Variants in DPH2 observed in about 807,000 individuals in gnomAD.
The protein encoded by DPH2 is diphthamide biosynthesis 2.
A neutral mutation model predicts 42.5 loss-of-function variants in DPH2; 28 were observed. The observed-to-expected ratio is 0.66, with a 90% CI of 0.49 to 0.90. DPH2 has a LOEUF of 0.90. Ranked by LOEUF, DPH2 falls within the 40% of genes least tolerant of loss-of-function variation. DPH2 has a pLI of 0.00. For missense variants in DPH2, 576 were observed against 636.0 expected (o/e 0.91, Z 1.01); for synonymous variants, 279 against 264.4 (o/e 1.06, Z -0.53).
chr1:43,970,701 T>C lies in DPH2; in HGVS notation c.253T>C (p.Tyr85His). The C allele has an allele frequency of 6.2e-7, 1 of 1,614,130 alleles. No homozygotes were observed. The highest frequency in any genetic ancestry group is 1.1e-5 in the South Asian group (1 of 91,082). ...SKMFILGDTA[Y>H]GSCCVDVLGA... Reference sequence around the variant, plus strand: ...GATGTTCATTCTGGGTGACACAGCCTACGGCAGGTGTGAACTTGGCCTTAG... The same window carrying C: ...GATGTTCATTCTGGGTGACACAGCCCACGGCAGGTGTGAACTTGGCCTTAG... The change falls in exon 2 of 6, where the codon TAC (tyrosine) becomes CAC (histidine). Residue 85 changes from tyrosine (Y) to histidine (H), a missense_variant. By Grantham distance (83) the Tyr-to-His change is moderately conservative. Around this residue, in one of 3 missense-constraint regions of DPH2, gnomAD observed 395 missense variants for 435.2 expected, o/e 0.91. Transcript: ENST00000255108.
Position 43,970,666 on chromosome 1 carries a change from C to T in DPH2, c.218C>T (p.Thr73Ile), listed in dbSNP as rs2085400263. ...GTGGCTGCACGACTGGAGGAGACGACAGGGTCAAAGATGTTCATTCTGGGT... is the reference window on the plus strand; with the variant it reads ...GTGGCTGCACGACTGGAGGAGACGATAGGGTCAAAGATGTTCATTCTGGGT... ...VAVAARLEET[T>I]GSKMFILGDT... Residue 73 changes from threonine to isoleucine, a missense_variant, in exon 2 of 6, where the codon ACA becomes ATA. This residue lies in a region of DPH2 where 395 missense variants were observed against 435.2 expected (regional missense o/e 0.91). Coordinates refer to ENST00000255108, the MANE Select transcript of DPH2 (RefSeq NM_001384.5). 1.2e-6 allele frequency: 2 copies of T among 1,614,036 alleles called. No individual in the cohort carries two copies. Among genetic ancestry groups the T allele is most frequent in the African/African-American group, 1.3e-5 (1 of 74,890 alleles).
In DPH2 at chr1:43,971,679, T is replaced by C. The variant is rs771473867; in HGVS notation, c.777T>C (p.Asp259=). The C allele has an allele frequency of 3.5e-5, 56 of 1,613,964 alleles. No homozygotes were observed. The highest frequency in any genetic ancestry group is 4.7e-5 in the Non-Finnish European group (56 of 1,180,010). The change falls in exon 4 of 6, where the codon GAT becomes GAC. Residue 259 remains aspartate, a synonymous_variant. Transcript: ENST00000255108. ...GTCCAGATACAGGGAAGACTCAGGA[T>C]GAGGGTGCCCGGGCTGGACGGCTAA... is the stretch of plus-strand genomic sequence containing the variant. ...SCCPDTGKTQ[D]EGARAGRLRA...
chr1:43,970,692 G>A lies in DPH2; in HGVS notation c.244G>A (p.Asp82Asn), dbSNP rs1242183533. Residue 82 changes from aspartate (D) to asparagine (N), a missense_variant, in exon 2 of 6, where the codon GAC becomes AAC. Around this residue, in one of 3 missense-constraint regions of DPH2, gnomAD observed 395 missense variants for 435.2 expected, o/e 0.91. Coordinates refer to ENST00000255108, the MANE Select transcript of DPH2 (RefSeq NM_001384.5). The part of the protein sequence containing the change: ...TTGSKMFILG[D>N]TAYGSCCVDV... ...AGGGTCAAAGATGTTCATTCTGGGT[G>A]ACACAGCCTACGGCAGGTGTGAACT... 1 of 1,614,172 alleles carries A rather than the reference G, an allele frequency of 6.2e-7. No individual in the cohort carries two copies. Among genetic ancestry groups the A allele is most frequent in the Admixed American group, 1.7e-5 (1 of 60,028 alleles).
In DPH2 at chr1:43,972,700, T is replaced by A. The variant is rs1571789452; in HGVS notation, c.*161T>A. On this transcript the variant is annotated 3_prime_UTR_variant, in exon 6 of 6. Coordinates refer to ENST00000255108, the MANE Select transcript of DPH2 (RefSeq NM_001384.5). ...CAGGATAGGATCCGTCTCTGTCCTG[T>A]CCTGGCACTGGCACAAGCTCAGCAC... 6 of 1,020,856 alleles carry A rather than the reference T, an allele frequency of 5.9e-6. No homozygotes were observed. The Admixed American group carries it at 1.6e-4, about 27-fold the overall frequency. 63.2% of individuals were successfully genotyped at this position (1,020,856 alleles called of 1,614,324 possible). A position where few individuals can be genotyped will look rare whatever the true frequency, so the allele number is the denominator to read the frequency against.
rs767444707 is a variant in DPH2, at chr1:43,971,929, C to T, written c.1027C>T (p.Leu343=). Residue 343 remains leucine, a synonymous_variant, in exon 4 of 6, where the codon CTG becomes TTG. Transcript: ENST00000255108. ...TGTCTTTGTGCTATTAGCCTGTCCT[C>T]TGGGTGCTCTAGCCCCCCAGCTTTC... The part of the protein sequence containing the change: ...VDVFVLLACP[L]GALAPQLSGS... 12 of 1,614,208 alleles carry T rather than the reference C, an allele frequency of 7.4e-6. No homozygotes were observed. Among genetic ancestry groups the T allele is most frequent in the Non-Finnish European group, 9.3e-6 (11 of 1,180,030 alleles).
chr1:43,971,720 A>C lies in DPH2; in HGVS notation c.818A>C (p.Tyr273Ser). 5 of 1,612,418 alleles carry C rather than the reference A, an allele frequency of 3.1e-6. No homozygotes were observed. The highest frequency in any genetic ancestry group is 4.2e-6 in the Non-Finnish European group (5 of 1,179,944). ...GGACGGCTAAGGGCACGAAGACGATATCTGGTAGAGAGGGCCAGAGATGCC... is the reference window on the plus strand; with the variant it reads ...GGACGGCTAAGGGCACGAAGACGATCTCTGGTAGAGAGGGCCAGAGATGCC... ...RAGRLRARRR[Y>S]LVERARDARV... The change falls in exon 4 of 6, where the codon TAT becomes TCT. Residue 273 changes from tyrosine to serine, a missense_variant. Coordinates refer to ENST00000255108, the MANE Select transcript of DPH2 (RefSeq NM_001384.5).
intron 2 of DPH2, 74 bp downstream of exon 2, chr1:43,970,782 T>C: frequency 7.0e-7 from 1 of 1,428,570 alleles, no homozygotes; most frequent in South Asian, 1.2e-5. Context: ...TGACAGTGAT[T>C]GCCTTCAATG....
rs942045588 is a variant in DPH2, at chr1:43,972,733, G to T, written c.*194G>T. The T allele has an allele frequency of 3.8e-5, 27 of 703,784 alleles. No individual in the cohort carries two copies. The highest frequency in any genetic ancestry group is 9.1e-5 in the Admixed American group (3 of 32,934). 43.6% of individuals were successfully genotyped at this position (703,784 alleles called of 1,614,324 possible). ...CTGGCACAAGCTCAGCACATGCCCA[G>T]TAATGCGTGTTGTTTGGCTGATGGA... On this transcript the variant is annotated 3_prime_UTR_variant, in exon 6 of 6. Coordinates refer to ENST00000255108, the MANE Select transcript of DPH2 (RefSeq NM_001384.5).
Position 43,970,071 on chromosome 1 carries a change from C to T in DPH2, c.-105C>T. The T allele has an allele frequency of 7.4e-7, 1 of 1,359,568 alleles. No homozygotes were observed. Among genetic ancestry groups the T allele is most frequent in the Non-Finnish European group, 1.0e-6 (1 of 1,000,094 alleles). The allele number at this position is 1,359,568 out of a possible 1,614,324, so 84.2% of individuals were successfully genotyped here. A position where few individuals can be genotyped will look rare whatever the true frequency, so the allele number is the denominator to read the frequency against. On this transcript the variant is annotated 5_prime_UTR_variant, in exon 1 of 6. Transcript: ENST00000255108. ...GAAGGCCGACTGTGATTCCCCCTAC[C>T]CCCACAAGGCGATTTTGACCCCCTG...
Position 43,971,113 on chromosome 1 carries a change from G to A in DPH2, c.408G>A (p.Lys136=), listed in dbSNP as rs761967291. 6.4e-7 allele frequency: 1 copy of A among 1,558,388 alleles called. No individual in the cohort carries two copies. The highest frequency in any genetic ancestry group is 8.7e-7 in the Non-Finnish European group (1 of 1,150,108). Residue 136 remains lysine (K), a synonymous_variant, in exon 3 of 6, where the codon AAG becomes AAA. Coordinates refer to ENST00000255108, the MANE Select transcript of DPH2 (RefSeq NM_001384.5). Reference sequence around the variant, plus strand: ...CTGTGGCCTTGGAGCTCTGTGTCAAGGCCTTTGAGGCCCAGAACCCAGACC... The same window carrying A: ...CTGTGGCCTTGGAGCTCTGTGTCAAAGCCTTTGAGGCCCAGAACCCAGACC... ...QRSVALELCV[K]AFEAQNPDPK...
rs1326094617 is a variant in DPH2 at position 43,970,711 on chromosome 1, G to A, written c.260+3G>A. On this transcript the variant is annotated splice_donor_region_variant and intron_variant, in intron 2 of 5. Coordinates refer to ENST00000255108, the MANE Select transcript of DPH2 (RefSeq NM_001384.5). Reference sequence around the variant, plus strand: ...CTGGGTGACACAGCCTACGGCAGGTGTGAACTTGGCCTTAGGTGGGCCAGG... The same window carrying A: ...CTGGGTGACACAGCCTACGGCAGGTATGAACTTGGCCTTAGGTGGGCCAGG... The A allele has an allele frequency of 5.6e-6, 9 of 1,613,940 alleles. No individual in the cohort carries two copies. In the African/African-American group the frequency reaches 6.7e-5, roughly 12 times the overall value.
Position 43,972,064 on chromosome 1 carries a change from T to C in DPH2, c.1162T>C (p.Leu388=), listed in dbSNP as rs151240561. 2.1e-5 allele frequency: 34 copies of C among 1,613,040 alleles called. No homozygotes were observed. In the African/African-American group the frequency reaches 2.9e-4, roughly 14 times the overall value. The change falls in exon 4 of 6, where the codon TTG becomes CTG. Residue 388 remains leucine (L), a synonymous_variant. Coordinates refer to ENST00000255108, the MANE Select transcript of DPH2 (RefSeq NM_001384.5). ...CCACCTCACACATTATGCGGACTTATTGCCTGGTGAGTAGTGGGGGCATTG... is the reference window on the plus strand; with the variant it reads ...CCACCTCACACATTATGCGGACTTACTGCCTGGTGAGTAGTGGGGGCATTG... ...APHLTHYADL[L]PGSPFHVALP...
rs2085394436 is a variant in DPH2 at position 43,970,405 on chromosome 1, G to T, written c.147+83G>T. The T allele has an allele frequency of 2.5e-6, 4 of 1,569,458 alleles. No individual in the cohort carries two copies. In the East Asian group the frequency reaches 6.7e-5, roughly 26 times the overall value. Reference sequence around the variant, plus strand: ...ATCCGGATCTTGGGGGATTTTGTGAGGGCGAGAGGGTGGGGGAATCAGTCT... The same window carrying T: ...ATCCGGATCTTGGGGGATTTTGTGATGGCGAGAGGGTGGGGGAATCAGTCT... On this transcript the variant is annotated intron_variant, in intron 1 of 5. Coordinates refer to ENST00000255108, the MANE Select transcript of DPH2 (RefSeq NM_001384.5).
chr1:43,970,148 C>G lies in DPH2; in HGVS notation c.-28C>G, dbSNP rs72890645. ...CGAAGCTGTCCCAGGGAGGTCCCCG[C>G]TGCATCCCACCACCCAAGCTGTGCC... is the stretch of plus-strand genomic sequence containing the variant. On this transcript the variant is annotated 5_prime_UTR_variant, in exon 1 of 6. Coordinates refer to ENST00000255108, the MANE Select transcript of DPH2 (RefSeq NM_001384.5). 1 of 1,608,876 alleles carries G rather than the reference C, an allele frequency of 6.2e-7. No homozygotes were observed. Among genetic ancestry groups the G allele is most frequent in the South Asian group, 1.1e-5 (1 of 90,188 alleles).
intron 2 of DPH2, 29 bp downstream of exon 2, chr1:43,970,737 C>A (rs759225604): frequency 1.3e-6 from 2 of 1,592,366 alleles, no homozygotes; most frequent in African/African-American, 2.7e-5. Flanking sequence ...GTGGGCCAGG[C>A]CTGGGGATCC....
chr1:43,971,210 A>G, intron 3 of DPH2, 21 bp downstream of exon 3: 1 of 1,548,160 alleles, frequency 6.5e-7, no homozygotes, highest in Non-Finnish European at 8.7e-7. Context: ...TTGCCTGTGT[A>G]TGCACAAAGG....
Position 43,972,068 on chromosome 1 carries a change from C to G in DPH2, c.1166C>G (p.Pro389Arg), listed in dbSNP as rs1333119512. 1.9e-6 allele frequency: 3 copies of G among 1,612,658 alleles called. No homozygotes were observed. The highest frequency in any genetic ancestry group is 1.1e-5 in the South Asian group (1 of 91,028). ...CTCACACATTATGCGGACTTATTGC[C>G]TGGTGAGTAGTGGGGGCATTGCCTA... ...PHLTHYADLLPGSPFHVALPP... is the reference protein window; with the variant it reads ...PHLTHYADLLRGSPFHVALPP... Residue 389 changes from proline to arginine, a missense_variant and splice_region_variant, in exon 4 of 6, where the codon CCT becomes CGT. Physicochemically the swap from Pro to Arg is moderately radical, Grantham distance 103 (BLOSUM62 -2). Coordinates refer to ENST00000255108, the MANE Select transcript of DPH2 (RefSeq NM_001384.5).
Position 43,972,721 on chromosome 1 carries a change from A to C in DPH2, c.*182A>C. The C allele has an allele frequency of 1.6e-5, 13 of 804,272 alleles. No individual in the cohort carries two copies. The highest frequency in any genetic ancestry group is 2.5e-5 in the Non-Finnish European group (13 of 518,606). The allele number at this position is 804,272 out of a possible 1,614,324, so 49.8% of individuals were successfully genotyped here. A position where few individuals can be genotyped will look rare whatever the true frequency, so the allele number is the denominator to read the frequency against. On this transcript the variant is annotated 3_prime_UTR_variant, in exon 6 of 6. Coordinates refer to ENST00000255108, the MANE Select transcript of DPH2 (RefSeq NM_001384.5). ...CCTGTCCTGGCACTGGCACAAGCTC[A>C]GCACATGCCCAGTAATGCGTGTTGT...
In DPH2 at chr1:43,971,569, A is replaced by T; in HGVS notation, c.667A>T (p.Lys223Ter). ...TGGTGCCTTCTATGTAGGGGGCTCTAAGGCCAGCCCTGACCCAGACCTTGA... is the reference window on the plus strand; with the variant it reads ...TGGTGCCTTCTATGTAGGGGGCTCTTAGGCCAGCCCTGACCCAGACCTTGA... ...EYGAFYVGGS[K>*]ASPDPDLDPD... The change falls in exon 4 of 6, where the codon AAG becomes TAG. Residue 223 changes from lysine to a stop codon, truncating the protein, a stop_gained. Coordinates refer to ENST00000255108, the MANE Select transcript of DPH2 (RefSeq NM_001384.5). LOFTEE classifies it high-confidence loss of function. The T allele has an allele frequency of 6.2e-7, 1 of 1,614,136 alleles. No individual in the cohort carries two copies. Among genetic ancestry groups the T allele is most frequent in the Non-Finnish European group, 8.5e-7 (1 of 1,179,986 alleles).
Sources: gnomAD v4.1 joint callset for allele counts on GRCh38, gnomAD v4.1.1 for gene constraint, gnomAD v4.1.1 regional missense constraint, MANE v1.5 for transcripts, NCBI Gene and HGNC (gene_info 2026-07-23, HGNC 2026-07-21) for gene names.